The following SOX6 variants were observed in gnomAD, a reference collection of about 807,000 sequenced individuals.
The protein encoded by SOX6 is SRY-box transcription factor 6, also known as transcription factor SOX-6.
In SOX6, 11 loss-of-function variants were observed where a neutral mutation model predicts 97.8. The observed-to-expected ratio is 0.11, with a 90% CI of 0.07 to 0.19. The LOEUF (loss-of-function observed/expected upper bound fraction) is 0.19. SOX6 is among the 10% of genes least tolerant of loss of function. The pLI, the probability that SOX6 is intolerant of heterozygous loss-of-function variation, is 1.00. For missense variants in SOX6, 810 were observed against 1,039.5 expected (o/e 0.78, Z 3.04); for synonymous variants, 360 against 371.4 (o/e 0.97, Z 0.35).
At chr11:16,400,905 T>C (rs2134441935) in intron 1 of SOX6, among the ~76,000 whole-genome samples, 1 of 151,630 alleles carries the variant, frequency 6.6e-6, no homozygotes, top group South Asian at 2.1e-4. Context: ...TAGTCCCAAA[T>C]TTCTAAATAC....
intron 4 of SOX6, among the ~76,000 whole-genome samples, chr11:16,482,113 C>T (rs975985069): frequency 3.5e-5 from 5 of 143,584 alleles, no homozygotes. Context: ...CATTTTCACA[C>T]AGATAGGTAG....
chr11:16,558,940 G>A (rs1589984823), intron 4 of SOX6, among the ~76,000 whole-genome samples: 1 of 152,002 alleles, frequency 6.6e-6, no homozygotes, highest in South Asian at 2.1e-4. Flanking sequence ...CATTTTAATT[G>A]TAGTAAACTG....
At chr11:15,995,395 C>T (rs963091848) in intron 13 of SOX6, among the ~76,000 whole-genome samples, 3 of 152,084 alleles carry the variant, frequency 2.0e-5, no homozygotes, top group African/African-American at 7.2e-5. Flanking sequence ...ACAAGTTCAA[C>T]GTGTGCAGCA....
intron 3 of SOX6, among the ~76,000 whole-genome samples, chr11:16,669,445 C>T (rs1847831370): frequency 6.6e-6 from 1 of 152,218 alleles, no homozygotes. Context: ...GCAGCACACC[C>T]CCAGCATACT....
At chr11:16,208,505 T>C (rs915655019) in intron 4 of SOX6, among the ~76,000 whole-genome samples, 6 of 152,240 alleles carry the variant, frequency 3.9e-5, no homozygotes, top group Non-Finnish European at 7.3e-5. Context: ...AGACTGCTTT[T>C]TTAAAAAATA....
At chr11:16,658,002 TG>T (rs1847736525) in intron 3 of SOX6, among the ~76,000 whole-genome samples, 1 of 152,244 alleles carries the variant, frequency 6.6e-6, no homozygotes, top group African/African-American at 2.4e-5. Flanking sequence ...TTCCAGTTTT[TG>T]TTAATATAAA....
At chr11:16,340,007 T>G (rs1022273159) in intron 2 of SOX6, among the ~76,000 whole-genome samples, 1 of 152,082 alleles carries the variant, frequency 6.6e-6, no homozygotes, top group African/African-American at 2.4e-5. Flanking sequence ...GCTTCTCACC[T>G]ACTGTTTCAG....
intron 3 of SOX6, among the ~76,000 whole-genome samples, chr11:16,639,825 T>A (rs914618086): frequency 3.3e-5 from 5 of 152,184 alleles, no homozygotes; most frequent in African/African-American, 7.2e-5. Context: ...ACGATAGGGT[T>A]TTCTAGATAT....
chr11:16,385,394 T>C (rs933758363), intron 1 of SOX6, among the ~76,000 whole-genome samples: 2 of 152,090 alleles, frequency 1.3e-5, no homozygotes, highest in African/African-American at 4.8e-5. Flanking sequence ...ATCTATATTT[T>C]ATAATAAAAA....
At chr11:16,634,084 A>T (rs1449716224) in intron 3 of SOX6, among the ~76,000 whole-genome samples, 1 of 152,202 alleles carries the variant, frequency 6.6e-6, no homozygotes, top group Non-Finnish European at 1.5e-5. Context: ...TCAGACAAGA[A>T]CTTTAAAGCT....
chr11:16,325,129 G>A (rs867287794), intron 2 of SOX6, among the ~76,000 whole-genome samples: 5 of 151,974 alleles, frequency 3.3e-5, no homozygotes, highest in Admixed American at 6.6e-5. Flanking sequence ...TCGATATTTT[G>A]TAAATGTCCT....
intron 9 of SOX6, among the ~76,000 whole-genome samples, chr11:16,064,291 T>G (rs1362488135): frequency 1.3e-5 from 2 of 151,678 alleles, no homozygotes; most frequent in African/African-American, 4.8e-5. Flanking sequence ...GGGACCAGTA[T>G]GCTCCAGTAT....
intron 4 of SOX6, among the ~76,000 whole-genome samples, chr11:16,582,283 T>A (rs910357133): frequency 1.3e-5 from 2 of 152,222 alleles, no homozygotes; most frequent in African/African-American, 4.8e-5. Context: ...TGTGTATCCC[T>A]TGAATCTAAA....
At chr11:16,292,593 C>A (rs1356479185) in intron 3 of SOX6, among the ~76,000 whole-genome samples, 1 of 152,114 alleles carries the variant, frequency 6.6e-6, no homozygotes, top group Non-Finnish European at 1.5e-5. Flanking sequence ...GCTGGCAGAA[C>A]AGCTGGTGAA....
intron 4 of SOX6, chr11:16,484,252 G>A: frequency 1.9e-6 from 2 of 1,064,088 alleles, no homozygotes; most frequent in East Asian, 4.7e-5. Flanking sequence ...CTGCCCATGT[G>A]TCCAGAATGT....
chr11:16,208,720 G>A (rs924119798), intron 4 of SOX6, among the ~76,000 whole-genome samples: 1 of 152,108 alleles, frequency 6.6e-6, no homozygotes, highest in Non-Finnish European at 1.5e-5. Flanking sequence ...TTTTTACATT[G>A]CATTATGAAA....
intron 4 of SOX6, among the ~76,000 whole-genome samples, chr11:16,503,396 C>A (rs893837560): frequency 1.4e-4 from 22 of 152,036 alleles, no homozygotes; most frequent in African/African-American, 4.8e-4. Context: ...GTAGGCAAAG[C>A]AAACAGAAAT....
intron 3 of SOX6, among the ~76,000 whole-genome samples, chr11:16,714,056 C>T (rs899758651): frequency 4.6e-5 from 7 of 152,134 alleles, no homozygotes; most frequent in African/African-American, 1.7e-4. Context: ...CCATTTAACT[C>T]CTTCCTCATA....
intron 6 of SOX6, among the ~76,000 whole-genome samples, chr11:16,141,261 G>A (rs1047152037): frequency 9.9e-5 from 15 of 152,208 alleles, no homozygotes; most frequent in East Asian, 1.9e-4. Flanking sequence ...ATTTCCAAGC[G>A]AAGAATGGAA....
Sources: allele counts gnomAD v4.1 joint callset (sites outside exome capture counted in the v4.1 genomes callset), GRCh38; gene constraint gnomAD v4.1.1; transcripts MANE v1.5; gene names NCBI Gene and HGNC (gene_info 2026-07-23, HGNC 2026-07-21).